Variants in HPS3 observed in about 807,000 individuals in gnomAD.
The protein encoded by HPS3 is HPS3 biogenesis of lysosomal organelles complex 2 subunit 1, also known as BLOC-2 complex member HPS3.
Under a neutral mutation model 110.9 loss-of-function variants are expected in HPS3, and 79 were observed. The observed-to-expected ratio is 0.71, with a 90% CI of 0.59 to 0.86. The LOEUF is 0.86. HPS3 is among the 40% of genes least tolerant of loss of function. The pLI is 0.00. For missense variants in HPS3, 1,197 were observed against 1,206.2 expected, an observed-to-expected ratio of 0.99 and a Z score of 0.11; for synonymous variants, 428 against 451.0, an observed-to-expected ratio of 0.95 and a Z score of 0.65.
chr3:149,157,776 C>T (rs1723546519), intron 9 of HPS3, among the ~76,000 whole-genome samples: 1 of 152,194 alleles, frequency 6.6e-6, no homozygotes, highest in Admixed American at 6.5e-5. Flanking sequence ...CAGTAAGTCT[C>T]AAGTTTGTGA....
At position 149,139,921 on chromosome 3, in the gene HPS3, T is replaced by G. The variant is rs914030001; in HGVS notation, c.218-83T>G. The G allele has an allele frequency of 7.1e-6, 9 of 1,259,888 alleles. No homozygotes were observed. In the Admixed American group the frequency reaches 1.6e-4, roughly 22 times the overall value. 78.0% of individuals were successfully genotyped at this position (1,259,888 alleles called of 1,614,324 possible). A position where few individuals can be genotyped will look rare whatever the true frequency, so the allele number is the denominator to read the frequency against. On this transcript the variant is annotated intron_variant, in intron 1 of 16. Coordinates refer to ENST00000296051, the MANE Select transcript of HPS3 (RefSeq NM_032383.5). Reference sequence around the variant, plus strand: ...TTTAATTCGACCATTTGTGTTAGAATTCATTAATAGTACTCATGTCAGCAA... The same window carrying G: ...TTTAATTCGACCATTTGTGTTAGAAGTCATTAATAGTACTCATGTCAGCAA...
chr3:149,155,469 C>G (rs1019632334), intron 8 of HPS3, among the ~76,000 whole-genome samples: 1 of 152,022 alleles, frequency 6.6e-6, no homozygotes, highest in Admixed American at 6.6e-5. Context: ...GATCGATTGG[C>G]CAATCTGAAC....
At chr3:149,144,244 A>G (rs13081868) in intron 4 of HPS3, among the ~76,000 whole-genome samples, 2 of 149,780 alleles carry the variant, frequency 1.3e-5, no homozygotes, top group African/African-American at 4.9e-5. Context: ...TTAGCCAGGC[A>G]TGGTGGTGGG....
rs1409973786 is a variant in HPS3, at chr3:149,153,544, C to CA, written c.1297dup (p.Ile433AsnfsTer10). On this transcript the variant is annotated frameshift_variant, in exon 7 of 17. Transcript: ENST00000296051. LOFTEE classifies it high-confidence loss of function. ...TCTGTGCTTTAAGAATACAGCTTTT[C>CA]ATAGGCTTGAAAGCCATCTGTCACT... is the stretch of plus-strand genomic sequence containing the variant. The CA allele has an allele frequency of 6.2e-7, 1 of 1,613,920 alleles. No homozygotes were observed. The highest frequency in any genetic ancestry group is 1.1e-5 in the South Asian group (1 of 91,080).
In HPS3 at chr3:149,145,432, A is replaced by T; in HGVS notation, c.1049A>T (p.His350Leu). The T allele has an allele frequency of 6.2e-7, 1 of 1,613,912 alleles. No individual in the cohort carries two copies. The highest frequency in any genetic ancestry group is 8.5e-7 in the Non-Finnish European group (1 of 1,179,872). The change falls in exon 5 of 17, where the codon CAT becomes CTT. Residue 350 changes from histidine to leucine, a missense_variant. By Grantham distance (99) the His-to-Leu change is moderately conservative. Transcript: ENST00000296051. Reference protein sequence around the residue: ...LSLFCFFSLPHVGYLYMVVKS... With the variant: ...LSLFCFFSLPLVGYLYMVVKS... ...CTCTTTTGCTTTTTCTCCTTACCTCATGTGGGCTATCTCTACATGGTTGTC... is the reference window on the plus strand; with the variant it reads ...CTCTTTTGCTTTTTCTCCTTACCTCTTGTGGGCTATCTCTACATGGTTGTC...
intron 9 of HPS3, 131 bp downstream of exon 9, chr3:149,157,662 A>G (rs1576686218): frequency 1.2e-6 from 1 of 836,550 alleles, no homozygotes; most frequent in East Asian, 2.6e-5. Context: ...TTCCACAAGC[A>G]TTTGTTGAGC....
Position 149,155,170 on chromosome 3 carries a change from G to T in HPS3, c.1464G>T (p.Leu488Phe). ...CTGTAGCTGAGGCTGGGTGGAATTT[G>T]TATATTGTGAATACGATCTCACCAG... ...IPPVAEAGWNLYIVNTISPVQ... is the reference protein window; with the variant it reads ...IPPVAEAGWNFYIVNTISPVQ... Residue 488 changes from leucine (L) to phenylalanine (F), a missense_variant, in exon 8 of 17, where the codon TTG becomes TTT. Physicochemically the swap from Leu to Phe is conservative, Grantham distance 22 (BLOSUM62 0). Coordinates refer to ENST00000296051, the MANE Select transcript of HPS3 (RefSeq NM_032383.5). 1 of 1,608,032 alleles carries T rather than the reference G, an allele frequency of 6.2e-7. No individual in the cohort carries two copies. The highest frequency in any genetic ancestry group is 8.5e-7 in the Non-Finnish European group (1 of 1,174,476).
intron 16 of HPS3, 168 bp downstream of exon 16, chr3:149,168,151 A>G: frequency 1.6e-6 from 1 of 607,820 alleles, no homozygotes; most frequent in Middle Eastern, 4.5e-4. Context: ...GACATTTGAT[A>G]TTGATTTATC....
chr3:149,162,449 A>G, intron 12 of HPS3, 116 bp downstream of exon 12: 1 of 991,738 alleles, frequency 1.0e-6, no homozygotes, highest in Non-Finnish European at 1.6e-6. Flanking sequence ...AAACAGACAT[A>G]CATAATCAGT....
chr3:149,134,554 G>T (rs1452901131), intron 1 of HPS3, among the ~76,000 whole-genome samples: 2 of 152,124 alleles, frequency 1.3e-5, no homozygotes, highest in African/African-American at 2.4e-5. Context: ...CTATGCATAC[G>T]AATCACTTGG....
chr3:149,158,748 G>A lies in HPS3; in HGVS notation c.1774G>A (p.Asp592Asn). 1 of 1,612,766 alleles carries A rather than the reference G, an allele frequency of 6.2e-7. No individual in the cohort carries two copies. Among genetic ancestry groups the A allele is most frequent in the South Asian group, 1.1e-5 (1 of 91,054 alleles). The change falls in exon 10 of 17, where the codon GAC becomes AAC. Residue 592 changes from aspartate to asparagine, a missense_variant. By Grantham distance (23) the Asp-to-Asn change is conservative (BLOSUM62 1). Coordinates refer to ENST00000296051, the MANE Select transcript of HPS3 (RefSeq NM_032383.5). The stretch of plus-strand genomic sequence containing the variant: ...TATGGCTGAAGTTCTGGCCCGCACG[G>A]ACTGGACAGTAGAGGATGGATTACA... Reference protein sequence around the residue: ...LSMAEVLARTDWTVEDGLQKY... With the variant: ...LSMAEVLARTNWTVEDGLQKY...
At chr3:149,130,972 A>G (rs990881159) in intron 1 of HPS3, among the ~76,000 whole-genome samples, 6 of 152,198 alleles carry the variant, frequency 3.9e-5, no homozygotes. Flanking sequence ...AGATGGGTGT[A>G]AAGTTCAGTA....
At chr3:149,149,790 A>G (rs1452040563) in intron 5 of HPS3, among the ~76,000 whole-genome samples, 1 of 152,196 alleles carries the variant, frequency 6.6e-6, no homozygotes, top group African/African-American at 2.4e-5. Flanking sequence ...AGCAATTTCT[A>G]AGTTAATTAA....
intron 15 of HPS3, 100 bp downstream of exon 15, chr3:149,167,340 C>T: frequency 2.2e-6 from 2 of 909,564 alleles, no homozygotes; most frequent in Non-Finnish European, 3.5e-6. Flanking sequence ...TATGCTAATC[C>T]AACATCATAA....
chr3:149,168,927 CTT>C (rs551365635), intron 16 of HPS3, among the ~76,000 whole-genome samples: 6 of 152,142 alleles, frequency 3.9e-5, no homozygotes, highest in Non-Finnish European at 8.8e-5. Flanking sequence ...TCAGAAGACT[CTT>C]TCTTCATCCT....
chr3:149,151,936 C>A (rs1723155845), intron 6 of HPS3, among the ~76,000 whole-genome samples: 1 of 152,146 alleles, frequency 6.6e-6, no homozygotes, highest in Non-Finnish European at 1.5e-5. Context: ...CCTAATGTGT[C>A]TGAGATACTC....
At chr3:149,161,031 T>C (rs1723768611) in intron 11 of HPS3, among the ~76,000 whole-genome samples, 1 of 152,204 alleles carries the variant, frequency 6.6e-6, no homozygotes, top group African/African-American at 2.4e-5. Context: ...TCTGTGCTCC[T>C]GCACTGTTTT....
At chr3:149,147,760 T>C (rs892837612) in intron 5 of HPS3, among the ~76,000 whole-genome samples, 1 of 152,184 alleles carries the variant, frequency 6.6e-6, no homozygotes, top group Non-Finnish European at 1.5e-5. Flanking sequence ...TTTGAGCTTT[T>C]CTTATTATCA....
Position 149,162,776 on chromosome 3 carries a change from G to A in HPS3, c.2379G>A (p.Val793=). 6.2e-7 allele frequency: 1 copy of A among 1,613,830 alleles called. No homozygotes were observed. The highest frequency in any genetic ancestry group is 2.2e-5 in the East Asian group (1 of 44,874). The change falls in exon 13 of 17, where the codon GTG becomes GTA. Residue 793 remains valine (V), a synonymous_variant. Coordinates refer to ENST00000296051, the MANE Select transcript of HPS3 (RefSeq NM_032383.5). ...AGCTAGTGGCATGTCTCCCAGATGT[G>A]GTACTTCAGGAACTCTTTTTCAAAC... ...EAQLVACLPD[V]VLQELFFKLT... is the part of the protein sequence containing the mutation.
Sources: gnomAD v4.1 joint callset for allele counts (sites outside exome capture counted in the v4.1 genomes callset) on GRCh38, gnomAD v4.1.1 for gene constraint, MANE v1.5 for transcripts, NCBI Gene and HGNC (gene_info 2026-07-23, HGNC 2026-07-21) for gene names.